The following TMEM175 variants were observed in gnomAD, a reference collection of about 807,000 sequenced individuals.
TMEM175 encodes the protein transmembrane protein 175, also known as endosomal/lysosomal proton channel TMEM175.
In TMEM175, 36 loss-of-function variants were observed where a neutral mutation model predicts 36.5. The observed-to-expected ratio is 0.99, with a 90% confidence interval of 0.76 to 1.30. The LOEUF is 1.30. Among genes scored for constraint, TMEM175 ranks in the 50% most tolerant of loss-of-function variants. TMEM175 has a pLI of 0.00. For synonymous variants in TMEM175, 339 were observed against 313.4 expected, an observed-to-expected ratio of 1.08 and a Z score of -0.86; for missense variants, 705 against 692.8, an observed-to-expected ratio of 1.02 and a Z score of -0.20.
intron 1 of TMEM175, among the ~76,000 whole-genome samples, chr4:939,953 A>G (rs766646907): frequency 1.1e-4 from 16 of 152,188 alleles, no homozygotes; most frequent in Non-Finnish European, 2.1e-4. Flanking sequence ...AGCCCATATG[A>G]ACAATAGGTG....
intron 1 of TMEM175, among the ~76,000 whole-genome samples, chr4:938,153 T>C (rs191440031): frequency 6.6e-6 from 1 of 152,328 alleles, no homozygotes; most frequent in East Asian, 1.9e-4. Flanking sequence ...CTGTCTGATC[T>C]CACCACTTCT....
chr4:946,085 T>C (rs1390510683), intron 1 of TMEM175: 1 of 152,406 alleles, frequency 6.6e-6, no homozygotes, highest in African/African-American at 2.4e-5. Flanking sequence ...CTCAAGAATG[T>C]GCCCTGACCT....
At chr4:937,657 A>G (rs1425553148) in intron 1 of TMEM175, among the ~76,000 whole-genome samples, 1 of 152,246 alleles carries the variant, frequency 6.6e-6, no homozygotes, top group Non-Finnish European at 1.5e-5. Context: ...AAACTCGGAA[A>G]GTTGAAGGAA....
At chr4:934,349 C>G (rs1043677140) in intron 1 of TMEM175, among the ~76,000 whole-genome samples, 1 of 152,134 alleles carries the variant, frequency 6.6e-6, no homozygotes, top group African/African-American at 2.4e-5. Context: ...AAGAGAGTGT[C>G]GTAACAGAGC....
chr4:941,886 T>G (rs1268270841), intron 1 of TMEM175, among the ~76,000 whole-genome samples: 2 of 152,054 alleles, frequency 1.3e-5, no homozygotes, highest in African/African-American at 4.8e-5. Flanking sequence ...ACCCCATGTC[T>G]TTATAAAAAA....
chr4:953,978 C>A (rs989706290), intron 8 of TMEM175, among the ~76,000 whole-genome samples: 1 of 151,808 alleles, frequency 6.6e-6, no homozygotes, highest in African/African-American at 2.4e-5. Context: ...GCCACCACGC[C>A]AGCCTTTATT....
chr4:932,509 G>A lies in TMEM175; in HGVS notation c.-63G>A, dbSNP rs1045754885. ...GCCGGGCTGACTCAAGCGGAGGCGC[G>A]CGGAACAGTCGCCGAGGCGATTCCC... On this transcript the variant is annotated 5_prime_UTR_variant, in exon 1 of 11. Coordinates refer to ENST00000264771, the MANE Select transcript of TMEM175 (RefSeq NM_032326.4). This position sits in a 1 kb window ranked among gnomAD's most constrained non-coding sequence, Gnocchi z 4.0. 8.6e-6 allele frequency: 4 copies of A among 463,554 alleles called. No homozygotes were observed. In the South Asian group the frequency reaches 1.4e-4, roughly 16 times the overall value. The allele number at this position is 463,554 out of a possible 1,614,324, so 28.7% of individuals were successfully genotyped here. A position where few individuals can be genotyped will look rare whatever the true frequency, so the allele number is the denominator to read the frequency against.
chr4:946,424 G>T (rs1728148611), intron 1 of TMEM175, among the ~76,000 whole-genome samples: 2 of 152,106 alleles, frequency 1.3e-5, no homozygotes, highest in Admixed American at 1.3e-4. Flanking sequence ...ATAGTGCCTG[G>T]TTGGCACGAG....
chr4:937,790 A>G (rs1726960439), intron 1 of TMEM175, among the ~76,000 whole-genome samples: 1 of 152,248 alleles, frequency 6.6e-6, no homozygotes, highest in Non-Finnish European at 1.5e-5. Flanking sequence ...ATGCATTTAA[A>G]ACATTGTTTA....
At chr4:941,552 C>T (rs970690858) in intron 1 of TMEM175, among the ~76,000 whole-genome samples, 10 of 151,262 alleles carry the variant, frequency 6.6e-5, no homozygotes, top group African/African-American at 1.2e-4. Flanking sequence ...AATACTCCTG[C>T]GTCAAACTCC....
At chr4:952,303 T>C in intron 6 of TMEM175, 64 bp from the exon 7 acceptor site, 1 of 1,468,842 alleles carries the variant, frequency 6.8e-7, no homozygotes, top group South Asian at 1.1e-5. Context: ...ATGGCCCAGT[T>C]CCAGGCTCTG....
chr4:956,193 G>T, intron 10 of TMEM175: 1 of 811,212 alleles, frequency 1.2e-6, no homozygotes, highest in Non-Finnish European at 1.7e-6. Context: ...CTCTCAGAGG[G>T]GCTCAGCAGC....
chr4:956,442 G>GTTT (rs1560500418), intron 10 of TMEM175: 11 of 1,270,260 alleles, frequency 8.7e-6, no homozygotes, highest in African/African-American at 7.9e-5. Context: ...GTTTTTGTGG[G>GTTT]GTTTTTTTTT....
intron 3 of TMEM175, chr4:948,410 G>C: frequency 6.6e-7 from 1 of 1,522,056 alleles, no homozygotes; most frequent in Non-Finnish European, 8.8e-7. Context: ...TCCGAGTTCA[G>C]TGGACAAAGG....
chr4:955,484 G>A lies in TMEM175; in HGVS notation c.706+1G>A, dbSNP rs1164728531. On this transcript the variant is annotated splice_donor_variant, in intron 9 of 10. Transcript: ENST00000264771. LOFTEE classifies it high-confidence loss of function. ...GGCTGGTGCAGAGACAGGCTCCTGG[G>A]TAGGTGATGACTGGGTGGGCTGGCC... 5 of 1,613,910 alleles carry A rather than the reference G, an allele frequency of 3.1e-6. No individual in the cohort carries two copies. The East Asian group carries it at 1.1e-4, about 36-fold the overall frequency.
chr4:941,192 ATGG>A (rs1243787115), intron 1 of TMEM175, among the ~76,000 whole-genome samples: 1 of 150,762 alleles, frequency 6.6e-6, no homozygotes, highest in Non-Finnish European at 1.5e-5. Context: ...CCTGGCCAAC[ATGG>A]TGAAACCCTA....
rs183949454 is a variant in TMEM175 at position 940,107 on chromosome 4, A to G, written c.-32+7567A>G. Among the ~76,000 whole-genome samples the G allele has an allele frequency of 3.9e-4, 59 of 152,336 alleles. 1 individual carries two copies. In the East Asian group the frequency reaches 0.011, roughly 28 times the overall value. The stretch of plus-strand genomic sequence containing the variant: ...ATCTGAAAAGGTTCCATACTGTATG[A>G]TTCTAACTATAGAACATTCTGGAAA... On this transcript the variant is annotated intron_variant, in intron 1 of 10. Coordinates refer to ENST00000264771, the MANE Select transcript of TMEM175 (RefSeq NM_032326.4).
intron 8 of TMEM175, among the ~76,000 whole-genome samples, chr4:953,978 C>CGA (rs1729292704): frequency 5.3e-5 from 8 of 151,928 alleles, no homozygotes; most frequent in African/African-American, 1.7e-4. Context: ...GCCACCACGC[C>CGA]AGCCTTTATT....
intron 3 of TMEM175, 53 bp downstream of exon 3, chr4:948,207 C>T: frequency 1.9e-6 from 3 of 1,613,810 alleles, no homozygotes; most frequent in Non-Finnish European, 2.5e-6. Flanking sequence ...GATATAGGGT[C>T]CCCGAGGCTC....
Sources: gnomAD v4.1 joint callset for allele counts (sites outside exome capture counted in the v4.1 genomes callset) on GRCh38, gnomAD v4.1.1 for gene constraint, Gnocchi (gnomAD v3.1) non-coding constraint, MANE v1.5 for transcripts, NCBI Gene and HGNC (gene_info 2026-07-23, HGNC 2026-07-21) for gene names.